The following FBXW8 variants were observed in gnomAD, a reference collection of about 807,000 sequenced individuals.
FBXW8 encodes the protein F-box and WD repeat domain containing 8, also known as F-box/WD repeat-containing protein 8.
FBXW8 carries 57 observed loss-of-function variants against 65.3 expected under a neutral mutation model. That is an observed-to-expected ratio of 0.87 (90% CI 0.71 to 1.09). The LOEUF (loss-of-function observed/expected upper bound fraction) is 1.09. Ranked by LOEUF, FBXW8 falls within the 50% of genes least tolerant of loss-of-function variation. FBXW8 has a pLI of 0.00. For missense variants in FBXW8, 777 were observed against 814.8 expected (o/e 0.95, Z 0.57); for synonymous variants, 308 against 330.2 (o/e 0.93, Z 0.73).
Position 116,910,964 on chromosome 12 carries a change from C to T in FBXW8, c.-74C>T. 1 of 1,272,746 alleles carries T rather than the reference C, an allele frequency of 7.9e-7. No individual in the cohort carries two copies. The highest frequency in any genetic ancestry group is 1.0e-6 in the Non-Finnish European group (1 of 1,004,898). 78.8% of individuals were successfully genotyped at this position (1,272,746 alleles called of 1,614,324 possible). ...GGCAGCGGCTTCCGGCCGCGGCGGACACTTCCCTGGGCGGGACTGTCTCGT... is the reference window on the plus strand; with the variant it reads ...GGCAGCGGCTTCCGGCCGCGGCGGATACTTCCCTGGGCGGGACTGTCTCGT... On this transcript the variant is annotated 5_prime_UTR_variant, in exon 1 of 11. Transcript: ENST00000652555.
At chr12:116,928,002 T>G (rs749554712) in intron 1 of FBXW8, 21 bp from the exon 2 acceptor site, 7 of 1,456,530 alleles carry the variant, frequency 4.8e-6, no homozygotes, top group Non-Finnish European at 6.6e-6. Flanking sequence ...ATAAACTTCT[T>G]TCTTTTTTTT....
At chr12:116,970,193 A>T (rs1884567882) in intron 5 of FBXW8, among the ~76,000 whole-genome samples, 1 of 152,110 alleles carries the variant, frequency 6.6e-6, no homozygotes, top group South Asian at 2.1e-4. Context: ...TTTGTCTTGA[A>T]ATCTCGCTCT....
At chr12:116,916,332 A>G (rs183194267) in intron 1 of FBXW8, among the ~76,000 whole-genome samples, 3 of 152,322 alleles carry the variant, frequency 2.0e-5, no homozygotes, top group Non-Finnish European at 4.4e-5. Flanking sequence ...TAACTTGTGT[A>G]TGTGGAATGT....
chr12:116,930,954 C>T (rs1412667836), intron 2 of FBXW8, among the ~76,000 whole-genome samples: 5 of 152,198 alleles, frequency 3.3e-5, no homozygotes, highest in Admixed American at 2.6e-4. Flanking sequence ...ACTATAGGCT[C>T]ACGCCAACAT....
intron 4 of FBXW8, among the ~76,000 whole-genome samples, chr12:116,954,667 T>C (rs1371933561): frequency 6.6e-6 from 1 of 152,246 alleles, no homozygotes; most frequent in East Asian, 1.9e-4. Flanking sequence ...ATTGTTTTCC[T>C]AGGCTAGAGT....
At chr12:116,996,429 A>G (rs541556456) in intron 7 of FBXW8, among the ~76,000 whole-genome samples, 1 of 152,156 alleles carries the variant, frequency 6.6e-6, no homozygotes, top group African/African-American at 2.4e-5. Context: ...TGCAGTGCGC[A>G]TAGATTGTGG....
At chr12:116,911,377 C>G in intron 1 of FBXW8, 22 bp downstream of exon 1, 3 of 1,256,122 alleles carry the variant, frequency 2.4e-6, no homozygotes, top group Non-Finnish European at 3.0e-6. Context: ...TCGCCTCCCC[C>G]CCGCCCATGC....
At chr12:117,017,015 G>A (rs540968091) in intron 8 of FBXW8, among the ~76,000 whole-genome samples, 118 of 152,234 alleles carry the variant, frequency 7.8e-4, no homozygotes, top group Middle Eastern at 6.8e-3. Flanking sequence ...GCACTACCAC[G>A]CTGTACAGCT....
intron 7 of FBXW8, among the ~76,000 whole-genome samples, chr12:116,999,917 C>T (rs1003163043): frequency 1.3e-5 from 2 of 152,094 alleles, no homozygotes; most frequent in African/African-American, 4.8e-5. Context: ...TACAAACTAT[C>T]TGCCTCTCAT....
At chr12:117,012,422 G>A (rs886122297) in intron 8 of FBXW8, among the ~76,000 whole-genome samples, 3 of 152,102 alleles carry the variant, frequency 2.0e-5, no homozygotes, top group Non-Finnish European at 4.4e-5. Context: ...CCCACTGCTG[G>A]TACATTAGGG....
intron 7 of FBXW8, among the ~76,000 whole-genome samples, chr12:117,001,680 C>G (rs1375188429): frequency 1.3e-5 from 2 of 152,082 alleles, no homozygotes; most frequent in East Asian, 3.8e-4. Flanking sequence ...TTTGACACTG[C>G]CCATGCTCTC....
At chr12:117,003,976 A>G (rs755788044) in intron 7 of FBXW8, among the ~76,000 whole-genome samples, 8 of 152,008 alleles carry the variant, frequency 5.3e-5, no homozygotes, top group Non-Finnish European at 1.2e-4. Flanking sequence ...GTTGTAGAGA[A>G]TTCTTGGCCC....
intron 4 of FBXW8, among the ~76,000 whole-genome samples, chr12:116,963,689 C>T (rs1195547197): frequency 1.3e-5 from 2 of 152,186 alleles, no homozygotes; most frequent in African/African-American, 4.8e-5. Flanking sequence ...TCATAGATTT[C>T]AGTGACTCAG....
chr12:116,925,810 A>C (rs905738268), intron 1 of FBXW8, among the ~76,000 whole-genome samples: 1 of 152,356 alleles, frequency 6.6e-6, no homozygotes, highest in South Asian at 2.1e-4. Flanking sequence ...TTAATAGCAT[A>C]CCTATTTCAT....
intron 1 of FBXW8, among the ~76,000 whole-genome samples, chr12:116,923,188 A>C (rs990295646): frequency 1.3e-5 from 2 of 152,108 alleles, no homozygotes; most frequent in Admixed American, 1.3e-4. Context: ...ACTGGGCGAC[A>C]GAGCGAGACT....
chr12:116,929,450 G>T (rs1881595452), intron 2 of FBXW8, among the ~76,000 whole-genome samples: 1 of 151,570 alleles, frequency 6.6e-6, no homozygotes, highest in Admixed American at 6.6e-5. Flanking sequence ...GGCCAGGCTG[G>T]TCTTGAACTC....
intron 7 of FBXW8, among the ~76,000 whole-genome samples, chr12:116,996,629 C>CT (rs1953384380): frequency 6.6e-6 from 1 of 152,000 alleles, no homozygotes; most frequent in Non-Finnish European, 1.5e-5. Flanking sequence ...AAGTAAATGT[C>CT]TAATTTCATT....
chr12:116,930,710 T>C (rs981529403), intron 2 of FBXW8, among the ~76,000 whole-genome samples: 2 of 152,220 alleles, frequency 1.3e-5, no homozygotes, highest in African/African-American at 4.8e-5. Context: ...AAAAAATCAT[T>C]ACCTATACCA....
intron 5 of FBXW8, among the ~76,000 whole-genome samples, chr12:116,983,093 G>A (rs1885433303): frequency 1.3e-5 from 2 of 152,136 alleles, no homozygotes. Flanking sequence ...GGAGACACAC[G>A]AGTCTCTGAA....
Sources: gnomAD v4.1 joint callset for allele counts (sites outside exome capture counted in the v4.1 genomes callset) on GRCh38, gnomAD v4.1.1 for gene constraint, MANE v1.5 for transcripts, NCBI Gene and HGNC (gene_info 2026-07-23, HGNC 2026-07-21) for gene names.